WWP2: variants seen among roughly 807,000 people sequenced by gnomAD.
The protein encoded by WWP2 is WW domain containing E3 ubiquitin protein ligase 2, also known as NEDD4-like E3 ubiquitin-protein ligase WWP2.
WWP2 carries 57 observed loss-of-function variants against 121.0 expected under a neutral mutation model. The observed-to-expected ratio is 0.47, with a 90% CI of 0.38 to 0.59. The LOEUF (loss-of-function observed/expected upper bound fraction) is 0.59. WWP2 is among the 20% of genes least tolerant of loss of function. The pLI, the probability that WWP2 is intolerant of heterozygous loss-of-function variation, is 0.00. For missense variants in WWP2, 962 were observed against 1,158.9 expected (o/e 0.83, Z 2.47); for synonymous variants, 449 against 441.3 (o/e 1.02, Z -0.22).
At chr16:69,908,944 A>G (rs978313839) in intron 9 of WWP2, 94 bp downstream of exon 9, 1 of 1,590,294 alleles carries the variant, frequency 6.3e-7, no homozygotes, top group East Asian at 2.2e-5. Context: ...CGGAGGTAGC[A>G]TAGCACAGTG....
intron 1 of WWP2, among the ~76,000 whole-genome samples, chr16:69,784,785 CATT>C (rs2055746482): frequency 1.3e-5 from 2 of 152,136 alleles, no homozygotes; most frequent in East Asian, 1.9e-4. Flanking sequence ...GGTGAAGTAC[CATT>C]TTTACTTAAA....
At chr16:69,884,123 G>A (rs932458543) in intron 7 of WWP2, among the ~76,000 whole-genome samples, 3 of 152,102 alleles carry the variant, frequency 2.0e-5, no homozygotes, top group South Asian at 4.1e-4. Flanking sequence ...ATATACAAGC[G>A]TATGTATATA....
chr16:69,771,307 G>C (rs896765806), intron 1 of WWP2, among the ~76,000 whole-genome samples: 2 of 152,172 alleles, frequency 1.3e-5, no homozygotes, highest in Admixed American at 1.3e-4. Context: ...GGAGTGCAGT[G>C]TGCTATCTTG....
In WWP2 at chr16:69,865,887, T is replaced by G. The variant is rs574151305; in HGVS notation, c.576-5917T>G. Among the ~76,000 whole-genome samples, 11 of 152,278 alleles carry G rather than the reference T, an allele frequency of 7.2e-5. No homozygotes were observed. In the East Asian group the frequency reaches 2.1e-3, roughly 29 times the overall value. ...GCCTCTTATCAGAAAGGAATGCCGG[T>G]CAGTTGCTGTGTGGAAACCACAAAA... On this transcript the variant is annotated intron_variant, in intron 6 of 23. Transcript: ENST00000359154.
chr16:69,837,336 G>C (rs903519234), intron 4 of WWP2, among the ~76,000 whole-genome samples: 1 of 152,224 alleles, frequency 6.6e-6, no homozygotes, highest in African/African-American at 2.4e-5. Flanking sequence ...AAAGTGCTGG[G>C]ATTACAGGCA....
At chr16:69,902,807 T>G (rs2058225812) in intron 8 of WWP2, among the ~76,000 whole-genome samples, 1 of 152,040 alleles carries the variant, frequency 6.6e-6, no homozygotes, top group Admixed American at 6.6e-5. Context: ...CAGCGGCCAC[T>G]GAGGAGGAAC....
chr16:69,914,565 C>CT (rs1376504404), intron 9 of WWP2, among the ~76,000 whole-genome samples: 1 of 152,092 alleles, frequency 6.6e-6, no homozygotes, highest in Non-Finnish European at 1.5e-5. Context: ...CAAGACCAGC[C>CT]TGGGCAACAC....
In WWP2 at chr16:69,805,993, T is replaced by C. The variant is rs1484927547; in HGVS notation, c.340+6698T>C. On this transcript the variant is annotated intron_variant, in intron 4 of 23. Coordinates refer to ENST00000359154, the MANE Select transcript of WWP2 (RefSeq NM_001270454.2). ...AGAAGGATCACTTGAGGCCAGTAGT[T>C]TGAGACCAGACAGGGAAACATAGCA... 5.3e-5 allele frequency among the ~76,000 whole-genome samples: 8 copies of C among 152,034 alleles called. 1 individual carries two copies. The highest frequency in any genetic ancestry group is 4.2e-4 in the South Asian group (2 of 4,798).
intron 4 of WWP2, among the ~76,000 whole-genome samples, chr16:69,813,419 C>T (rs776602638): frequency 1.3e-5 from 2 of 152,198 alleles, no homozygotes; most frequent in Non-Finnish European, 2.9e-5. Flanking sequence ...GCCTCGGCCT[C>T]CCAAAGTGCT....
intron 4 of WWP2, among the ~76,000 whole-genome samples, chr16:69,815,769 A>G (rs2151837301): frequency 6.6e-6 from 1 of 151,272 alleles, no homozygotes; most frequent in African/African-American, 2.4e-5. Context: ...CCTGGGCGAC[A>G]GAACAAGACT....
At chr16:69,813,081 C>T (rs979892516) in intron 4 of WWP2, among the ~76,000 whole-genome samples, 2 of 151,616 alleles carry the variant, frequency 1.3e-5, no homozygotes, top group African/African-American at 2.4e-5. Flanking sequence ...TTCATGTATG[C>T]GTGTGTGTAG....
chr16:69,914,725 C>T (rs1438779224), intron 9 of WWP2, among the ~76,000 whole-genome samples: 3 of 152,116 alleles, frequency 2.0e-5, no homozygotes, highest in Non-Finnish European at 1.5e-5. Flanking sequence ...CACTGCACTC[C>T]AGCCTGGGCA....
intron 4 of WWP2, among the ~76,000 whole-genome samples, chr16:69,824,713 AAAATC>A (rs1210140411): frequency 6.6e-6 from 1 of 151,800 alleles, no homozygotes; most frequent in Non-Finnish European, 1.5e-5. Flanking sequence ...TTACAAGTGA[AAAATC>A]AAAGGGCAGA....
intron 1 of WWP2, among the ~76,000 whole-genome samples, chr16:69,775,403 T>A (rs1315280101): frequency 6.6e-6 from 1 of 152,144 alleles, no homozygotes; most frequent in Non-Finnish European, 1.5e-5. Context: ...TGTTTTGGGG[T>A]AAGGTATCTT....
Position 69,798,669 on chromosome 16 carries a change from C to G in WWP2, c.71-13C>G. On this transcript the variant is annotated splice_polypyrimidine_tract_variant and intron_variant, in intron 2 of 23. Transcript: ENST00000359154. Reference sequence around the variant, plus strand: ...GGGACTCATCTTTGACTTTTTCTTTCTTTCTCTCCCAGTGGTGTCCGCAAA... The same window carrying G: ...GGGACTCATCTTTGACTTTTTCTTTGTTTCTCTCCCAGTGGTGTCCGCAAA... The G allele has an allele frequency of 3.7e-6, 6 of 1,611,086 alleles. No individual in the cohort carries two copies. Among genetic ancestry groups the G allele is most frequent in the Non-Finnish European group, 5.1e-6 (6 of 1,178,372 alleles).
chr16:69,829,826 A>T (rs1295777619), intron 4 of WWP2, among the ~76,000 whole-genome samples: 1 of 152,194 alleles, frequency 6.6e-6, no homozygotes, highest in African/African-American at 2.4e-5. Context: ...ATGATAACAT[A>T]GCTTCAAGCA....
chr16:69,931,454 G>A, intron 14 of WWP2, 55 bp from the exon 15 acceptor site: 3 of 1,607,506 alleles, frequency 1.9e-6, no homozygotes, highest in South Asian at 1.1e-5. Flanking sequence ...ACAGACAGGA[G>A]AACAGATGAC....
Position 69,937,196 on chromosome 16 carries a change from C to A in WWP2, c.2196C>A (p.Ala732=), listed in dbSNP as rs1351873028. The A allele has an allele frequency of 6.2e-7, 1 of 1,613,644 alleles. No homozygotes were observed. Among genetic ancestry groups the A allele is most frequent in the African/African-American group, 1.3e-5 (1 of 74,774 alleles). ...TCCTGGATGGCTTCAACGAGGTGGC[C>A]CCGCTGGAGTGGCTGCGCTACTTTG... The part of the protein sequence containing the change: ...KAFLDGFNEV[A]PLEWLRYFDE... Residue 732 remains alanine, a synonymous_variant, in exon 20 of 24, where the codon GCC becomes GCA. Coordinates refer to ENST00000359154, the MANE Select transcript of WWP2 (RefSeq NM_001270454.2). This position sits in a 1 kb window ranked among gnomAD's most constrained non-coding sequence, Gnocchi z 6.6.
At chr16:69,825,436 AC>A (rs71151138) in intron 4 of WWP2, among the ~76,000 whole-genome samples, 2 of 150,556 alleles carry the variant, frequency 1.3e-5, no homozygotes, top group Non-Finnish European at 1.5e-5. Context: ...AAAAAAAAAA[AC>A]CCCAAAAACC....
Sources: gnomAD v4.1 joint callset for allele counts (sites outside exome capture counted in the v4.1 genomes callset) on GRCh38, gnomAD v4.1.1 for gene constraint, Gnocchi (gnomAD v3.1) non-coding constraint, MANE v1.5 for transcripts, NCBI Gene and HGNC (gene_info 2026-07-23, HGNC 2026-07-21) for gene names.